Variants in NFXL1 observed in about 807,000 individuals in gnomAD.
NFXL1 encodes the protein NF-X1-type zinc finger protein NFXL1.
In NFXL1, 66 loss-of-function variants were observed where a neutral mutation model predicts 123.3. The observed-to-expected ratio is 0.54, with a 90% CI of 0.44 to 0.66. NFXL1 has a LOEUF of 0.66. NFXL1 is among the 30% of genes least tolerant of loss of function. NFXL1 has a pLI of 0.00. For synonymous variants in NFXL1, 346 were observed against 360.8 expected, an observed-to-expected ratio of 0.96 and a Z score of 0.46; for missense variants, 944 against 1,125.6, an observed-to-expected ratio of 0.84 and a Z score of 2.31.
chr4:47,850,200 A>G (rs1247232104), intron 22 of NFXL1, among the ~76,000 whole-genome samples: 1 of 152,114 alleles, frequency 6.6e-6, no homozygotes, highest in African/African-American at 2.4e-5. Flanking sequence ...ATGTTTTACT[A>G]TTTAGCTCTG....
intron 19 of NFXL1, among the ~76,000 whole-genome samples, chr4:47,857,773 G>C (rs574638959): frequency 1.3e-5 from 2 of 152,204 alleles, no homozygotes; most frequent in South Asian, 4.2e-4. Context: ...TGTGCCAAAA[G>C]GAGCCCTTGG....
intron 12 of NFXL1, among the ~76,000 whole-genome samples, chr4:47,886,476 TC>T (rs1212052657): frequency 1.3e-5 from 2 of 152,060 alleles, no homozygotes; most frequent in Non-Finnish European, 2.9e-5. Flanking sequence ...CAAGCAATCC[TC>T]CCACGTCAGC....
intron 19 of NFXL1, among the ~76,000 whole-genome samples, chr4:47,859,716 C>T (rs1450387679): frequency 1.3e-5 from 2 of 151,158 alleles, no homozygotes; most frequent in Non-Finnish European, 3.0e-5. Flanking sequence ...GTGGCGGGCG[C>T]CTGTAATCTC....
chr4:47,885,340 T>G (rs2110080050), intron 14 of NFXL1, among the ~76,000 whole-genome samples, 158 bp downstream of exon 14: 1 of 152,278 alleles, frequency 6.6e-6, no homozygotes, highest in African/African-American at 2.4e-5. Flanking sequence ...CACTGTGAGT[T>G]GCTTAAAACA....
rs778664026 is a variant in NFXL1 at position 47,885,617 on chromosome 4, G to A, written c.1705C>T (p.Arg569Cys). 2.5e-6 allele frequency: 4 copies of A among 1,613,620 alleles called. No homozygotes were observed. The highest frequency in any genetic ancestry group is 1.1e-5 in the South Asian group (1 of 91,050). ...GGTGGACAAGAACCAAAGTGACAGC[G>A]ATGTTTTTCTTGACTTGTATGATGA... ...TCHHTSQEKHRCHFGSCPPCH... is the reference protein window; with the variant it reads ...TCHHTSQEKHCCHFGSCPPCH... Residue 569 changes from arginine to cysteine, a missense_variant, in exon 14 of 23, where the codon CGC becomes TGC. Transcript: ENST00000507489.
In NFXL1 at chr4:47,848,338, T is replaced by C; in HGVS notation, c.2563-2A>G. ...GTTTTCAAAAGCTTCTAGTTCAGCC[T>C]AAATAAAAACAGCATCATTTTAATT... On this transcript the variant is annotated splice_acceptor_variant, in intron 22 of 22. Transcript: ENST00000507489. LOFTEE classifies it high-confidence loss of function. 6.3e-7 allele frequency: 1 copy of C among 1,588,310 alleles called. No individual in the cohort carries two copies. The highest frequency in any genetic ancestry group is 1.1e-5 in the South Asian group (1 of 87,114).
intron 19 of NFXL1, among the ~76,000 whole-genome samples, chr4:47,857,303 A>C (rs4695290): frequency 0.74 from 111,756 of 152,012 alleles, 41,306 homozygotes; most frequent in South Asian, 0.76. Flanking sequence ...CCCTTCCCCC[A>C]ATCCTTCTCA....
rs529366096 is a variant in NFXL1, at chr4:47,906,842, G to T, written c.407-1496C>A. On this transcript the variant is annotated intron_variant, in intron 3 of 22. Coordinates refer to ENST00000507489, the MANE Select transcript of NFXL1 (RefSeq NM_001278624.2). ...AAAATGTACTGCCCAGCACATCACAGCGGATAGCATGCTATTTGAAGTCAT... is the reference window on the plus strand; with the variant it reads ...AAAATGTACTGCCCAGCACATCACATCGGATAGCATGCTATTTGAAGTCAT... Among the ~76,000 whole-genome samples the T allele has an allele frequency of 2.0e-5, 3 of 152,296 alleles. No individual in the cohort carries two copies. The East Asian group carries it at 5.8e-4, about 29-fold the overall frequency.
chr4:47,894,322 G>A lies in NFXL1; in HGVS notation c.1330-20C>T, dbSNP rs1315480950. 2.6e-6 allele frequency: 4 copies of A among 1,545,804 alleles called. No homozygotes were observed. Among genetic ancestry groups the A allele is most frequent in the Non-Finnish European group, 3.5e-6 (4 of 1,145,670 alleles). On this transcript the variant is annotated intron_variant, in intron 10 of 22. Coordinates refer to ENST00000507489, the MANE Select transcript of NFXL1 (RefSeq NM_001278624.2). ...CACTTCCTGGAAGAATAAAAGAAAT[G>A]CTATTAAAATTGATTTTTGTTAATA...
Position 47,848,090 on chromosome 4 carries a change from C to T in NFXL1, c.*73G>A, listed in dbSNP as rs1048969120. On this transcript the variant is annotated 3_prime_UTR_variant, in exon 23 of 23. Transcript: ENST00000507489. ...AATATATATCATGTTCTATAATATA[C>T]ATTTTCTAATATTTCAAATTTAACA... 2 of 906,496 alleles carry T rather than the reference C, an allele frequency of 2.2e-6. No individual in the cohort carries two copies. Among genetic ancestry groups the T allele is most frequent in the South Asian group, 3.6e-5 (2 of 55,822 alleles). 56.2% of individuals were successfully genotyped at this position (906,496 alleles called of 1,614,324 possible).
chr4:47,868,151 T>G (rs931306756), intron 18 of NFXL1, among the ~76,000 whole-genome samples: 1 of 152,024 alleles, frequency 6.6e-6, no homozygotes, highest in Non-Finnish European at 1.5e-5. Flanking sequence ...CTATCTCTAC[T>G]AAAAATACAA....
chr4:47,895,147 C>T (rs1375459016), intron 10 of NFXL1, among the ~76,000 whole-genome samples: 3 of 152,056 alleles, frequency 2.0e-5, no homozygotes, highest in Non-Finnish European at 2.9e-5. Flanking sequence ...TATAACCATG[C>T]CATAAAGATG....
chr4:47,893,446 C>A (rs1736899176), intron 11 of NFXL1, among the ~76,000 whole-genome samples: 1 of 151,802 alleles, frequency 6.6e-6, no homozygotes, highest in Non-Finnish European at 1.5e-5. Flanking sequence ...TCTTAATAAC[C>A]AGACAGAAAA....
chr4:47,908,727 G>A (rs113640927), intron 3 of NFXL1, among the ~76,000 whole-genome samples: 11,586 of 151,890 alleles, frequency 0.076, 675 homozygotes, highest in East Asian at 0.31. Flanking sequence ...AGGCCGAGGC[G>A]GGCGGATCAC....
At chr4:47,890,415 C>G (rs1458390208) in intron 12 of NFXL1, among the ~76,000 whole-genome samples, 198 bp downstream of exon 12, 1 of 152,148 alleles carries the variant, frequency 6.6e-6, no homozygotes, top group East Asian at 1.9e-4. Flanking sequence ...AGTTACTGAA[C>G]CCTCTTAAGC....
At chr4:47,864,805 T>G (rs1207239923) in intron 18 of NFXL1, among the ~76,000 whole-genome samples, 2 of 152,240 alleles carry the variant, frequency 1.3e-5, no homozygotes, top group African/African-American at 4.8e-5. Context: ...TCTCTTCATC[T>G]GTATACTTTG....
chr4:47,854,820 C>T (rs1734308268), intron 20 of NFXL1, among the ~76,000 whole-genome samples: 1 of 151,384 alleles, frequency 6.6e-6, no homozygotes, highest in South Asian at 2.1e-4. Flanking sequence ...TTTCCTTTTA[C>T]TGTTAAATTG....
intron 5 of NFXL1, among the ~76,000 whole-genome samples, chr4:47,902,125 C>T (rs1029027986): frequency 1.3e-5 from 2 of 151,810 alleles, no homozygotes; most frequent in Non-Finnish European, 2.9e-5. Flanking sequence ...GTGGCTACAG[C>T]GAGCCAAGAG....
rs150996464 is a variant in NFXL1, at chr4:47,851,214, T to C, written c.2509-66A>G. ...TCACATTTTATATGGAATTTTAACA[T>C]CTACCCATCCAGGTTCTATTAACCC... On this transcript the variant is annotated intron_variant, in intron 21 of 22. Transcript: ENST00000507489. 333 of 1,148,378 alleles carry C rather than the reference T, an allele frequency of 2.9e-4. 2 individuals are homozygous for C. The East Asian group carries it at 6.1e-3, about 21-fold the overall frequency. 71.1% of individuals were successfully genotyped at this position (1,148,378 alleles called of 1,614,324 possible).
Sources: allele counts gnomAD v4.1 joint callset (sites outside exome capture counted in the v4.1 genomes callset), GRCh38; gene constraint gnomAD v4.1.1; transcripts MANE v1.5; gene names NCBI Gene and HGNC (gene_info 2026-07-23, HGNC 2026-07-21).